Variants in SUCLG2 observed in about 807,000 individuals in gnomAD.
The protein encoded by SUCLG2 is succinate--CoA ligase [GDP-forming] subunit beta, mitochondrial.
SUCLG2 carries 42 observed loss-of-function variants against 47.9 expected under a neutral mutation model. That is an observed-to-expected ratio of 0.88 (90% confidence interval 0.69 to 1.14). The LOEUF is 1.14. Ranked by LOEUF, SUCLG2 falls within the 50% of genes most tolerant of loss-of-function variation. The pLI is 0.00. For synonymous variants in SUCLG2, 195 were observed against 197.3 expected (o/e 0.99, Z 0.10); for missense variants, 571 against 525.9 (o/e 1.09, Z -0.84).
intron 2 of SUCLG2, among the ~76,000 whole-genome samples, chr3:67,551,102 G>A (rs927548852): frequency 1.3e-5 from 2 of 152,060 alleles, no homozygotes; most frequent in African/African-American, 4.8e-5. Context: ...AAACACTCAC[G>A]TCTTGTATTT....
chr3:67,392,701 C>T (rs935422724), intron 10 of SUCLG2, among the ~76,000 whole-genome samples: 6 of 152,134 alleles, frequency 3.9e-5, no homozygotes, highest in Middle Eastern at 3.4e-3. Context: ...GTAATAATAA[C>T]AATAAGAGAA....
intron 9 of SUCLG2, among the ~76,000 whole-genome samples, chr3:67,457,891 T>G (rs1377816285): frequency 6.6e-6 from 1 of 152,044 alleles, no homozygotes; most frequent in African/African-American, 2.4e-5. Context: ...CATAGTCCCT[T>G]CCCTTTGGAT....
chr3:67,387,740 G>A (rs1702291231), intron 10 of SUCLG2, among the ~76,000 whole-genome samples: 1 of 152,068 alleles, frequency 6.6e-6, no homozygotes, highest in African/African-American at 2.4e-5. Flanking sequence ...TTGCATCAGA[G>A]GTCTATCTGA....
At chr3:67,379,760 G>C (rs375954879) in intron 10 of SUCLG2, among the ~76,000 whole-genome samples, 1 of 152,134 alleles carries the variant, frequency 6.6e-6, no homozygotes, top group Admixed American at 6.5e-5. Context: ...CATTCACAAG[G>C]CATCTGTTAA....
intron 2 of SUCLG2, among the ~76,000 whole-genome samples, chr3:67,567,221 T>C (rs547992082): frequency 6.6e-6 from 1 of 151,176 alleles, no homozygotes; most frequent in East Asian, 1.9e-4. Context: ...AAAATATCAA[T>C]GGAAACTTAA....
At chr3:67,403,757 C>T (rs1168060480) in intron 9 of SUCLG2, among the ~76,000 whole-genome samples, 2 of 152,158 alleles carry the variant, frequency 1.3e-5, no homozygotes, top group Non-Finnish European at 2.9e-5. Context: ...ATATGTCACC[C>T]AACTTAGTTC....
At chr3:67,459,665 T>C (rs986395731) in intron 9 of SUCLG2, among the ~76,000 whole-genome samples, 1 of 152,202 alleles carries the variant, frequency 6.6e-6, no homozygotes, top group Admixed American at 6.5e-5. Flanking sequence ...AATAAATTAG[T>C]TGAGAATTGT....
chr3:67,403,454 G>T (rs1702734941), intron 9 of SUCLG2, among the ~76,000 whole-genome samples: 1 of 152,154 alleles, frequency 6.6e-6, no homozygotes, highest in African/African-American at 2.4e-5. Flanking sequence ...ACAGACACTT[G>T]ATCAACATCT....
At chr3:67,491,245 A>AG (rs1475112338) in intron 9 of SUCLG2, among the ~76,000 whole-genome samples, 7 of 151,150 alleles carry the variant, frequency 4.6e-5, no homozygotes, top group African/African-American at 1.2e-4. Flanking sequence ...AAAAAAAAAA[A>AG]AGAGAGAAAA....
At chr3:67,367,868 C>G (rs1030748043) in intron 10 of SUCLG2, among the ~76,000 whole-genome samples, 1 of 152,116 alleles carries the variant, frequency 6.6e-6, no homozygotes, top group African/African-American at 2.4e-5. Context: ...ATCCAAGTAT[C>G]TAGCTATAAG....
At chr3:67,624,986 GA>G (rs1377527069) in intron 1 of SUCLG2, among the ~76,000 whole-genome samples, 1 of 152,130 alleles carries the variant, frequency 6.6e-6, no homozygotes, top group African/African-American at 2.4e-5. Flanking sequence ...AGCAGCAAAG[GA>G]AACAATATCC....
intron 9 of SUCLG2, among the ~76,000 whole-genome samples, chr3:67,476,721 G>T (rs1329425316): frequency 6.6e-6 from 1 of 152,136 alleles, no homozygotes; most frequent in African/African-American, 2.4e-5. Context: ...ATAAGAACTG[G>T]ATTTGTCTCA....
At chr3:67,622,828 C>A (rs1314322803) in intron 1 of SUCLG2, among the ~76,000 whole-genome samples, 1 of 152,266 alleles carries the variant, frequency 6.6e-6, no homozygotes, top group South Asian at 2.1e-4. Flanking sequence ...ACAAGAGTAA[C>A]GGACACTCCC....
At chr3:67,407,183 A>C (rs905460037) in intron 9 of SUCLG2, among the ~76,000 whole-genome samples, 5 of 152,224 alleles carry the variant, frequency 3.3e-5, no homozygotes, top group African/African-American at 1.2e-4. Context: ...TTACAACAAC[A>C]AGCGGTGAGC....
intron 7 of SUCLG2, among the ~76,000 whole-genome samples, chr3:67,500,101 A>G (rs754256473): frequency 2.0e-5 from 3 of 152,144 alleles, no homozygotes; most frequent in African/African-American, 7.2e-5. Context: ...GATACTACCT[A>G]TTCTCCTCCA....
chr3:67,441,472 T>C (rs557686884), intron 9 of SUCLG2, among the ~76,000 whole-genome samples: 42 of 152,074 alleles, frequency 2.8e-4, no homozygotes, highest in Non-Finnish European at 5.1e-4. Context: ...CCTGCAAATA[T>C]GTCTGCGTGT....
At chr3:67,571,319 C>A (rs926130041) in intron 2 of SUCLG2, among the ~76,000 whole-genome samples, 2 of 152,104 alleles carry the variant, frequency 1.3e-5, no homozygotes, top group African/African-American at 2.4e-5. Context: ...CAGGACAGCC[C>A]TCACAGCAAA....
intron 9 of SUCLG2, among the ~76,000 whole-genome samples, chr3:67,495,346 C>A (rs193091594): frequency 1.3e-5 from 2 of 152,186 alleles, no homozygotes; most frequent in Admixed American, 6.5e-5. Flanking sequence ...ATCACGTATT[C>A]CAATGTGATA....
chr3:67,460,013 C>G (rs889659019), intron 9 of SUCLG2, among the ~76,000 whole-genome samples: 1 of 152,152 alleles, frequency 6.6e-6, no homozygotes, highest in African/African-American at 2.4e-5. Flanking sequence ...GTTTACATAT[C>G]ACTGGCCAGA....
Sources: gnomAD v4.1 joint callset for allele counts (sites outside exome capture counted in the v4.1 genomes callset) on GRCh38, gnomAD v4.1.1 for gene constraint, MANE v1.5 for transcripts, NCBI Gene and HGNC (gene_info 2026-07-23, HGNC 2026-07-21) for gene names.